The following NPSR1 variants were observed in gnomAD, a reference collection of about 807,000 sequenced individuals.
NPSR1 encodes the protein neuropeptide S receptor 1.
NPSR1 carries 48 observed loss-of-function variants against 46.9 expected under a neutral mutation model. The observed-to-expected ratio is 1.02, with a 90% confidence interval of 0.81 to 1.30. NPSR1 has a LOEUF of 1.30. NPSR1 is among the 50% of genes most tolerant of loss of function. The pLI is 0.00. For missense variants in NPSR1, 450 were observed against 449.5 expected, an observed-to-expected ratio of 1.00 and a Z score of -0.01; for synonymous variants, 176 against 168.1, an observed-to-expected ratio of 1.05 and a Z score of -0.36.
At chr7:34,821,153 T>TTA (rs747960051) in intron 4 of NPSR1, among the ~76,000 whole-genome samples, 4,161 of 135,946 alleles carry the variant, frequency 0.031, 142 homozygotes, top group Non-Finnish European at 0.045. Context: ...TTTTTTTTTT[T>TTA]AGACAGAGTC....
At chr7:34,848,764 A>T in intron 8 of NPSR1, 101 bp downstream of exon 8, 1 of 1,034,198 alleles carries the variant, frequency 9.7e-7, no homozygotes. Context: ...AGCAGGTTAC[A>T]GGATCCCCCT....
intron 2 of NPSR1, among the ~76,000 whole-genome samples, chr7:34,757,022 C>T (rs916666118): frequency 1.3e-5 from 2 of 152,138 alleles, no homozygotes; most frequent in African/African-American, 4.8e-5. Context: ...CTGAGCTGGC[C>T]TCCATAGTTC....
At chr7:34,744,444 G>C (rs1168835437) in intron 2 of NPSR1, among the ~76,000 whole-genome samples, 1 of 152,150 alleles carries the variant, frequency 6.6e-6, no homozygotes, top group East Asian at 1.9e-4. Flanking sequence ...GATAAAAGGG[G>C]CAGGAAGAGC....
At position 34,702,146 on chromosome 7, in the gene NPSR1, C is replaced by T. The variant is rs72552332; in HGVS notation, c.280+17462C>T. On this transcript the variant is annotated intron_variant, in intron 2 of 8. Transcript: ENST00000360581. The stretch of plus-strand genomic sequence containing the variant: ...CAAGTTCAGCTCATGGTACAGATGG[C>T]GGTTGGTTCAAGATGACTGCTAGAA... Among the ~76,000 whole-genome samples, 325 of 152,256 alleles carry T rather than the reference C, an allele frequency of 2.1e-3. 4 individuals are homozygous for T. The East Asian group carries it at 0.025, about 12-fold the overall frequency.
intron 6 of NPSR1, among the ~76,000 whole-genome samples, chr7:34,840,238 A>G (rs1650057081): frequency 6.6e-6 from 1 of 152,182 alleles, no homozygotes; most frequent in South Asian, 2.1e-4. Flanking sequence ...AGATGACAAG[A>G]AAGGGACAAT....
At chr7:34,795,542 TAATAGGC>T (rs1788135126) in intron 3 of NPSR1, among the ~76,000 whole-genome samples, 1 of 152,136 alleles carries the variant, frequency 6.6e-6, no homozygotes, top group African/African-American at 2.4e-5. Context: ...CTCCCAGAAC[TAATAGGC>T]AATTAAAGCA....
intron 1 of NPSR1, among the ~76,000 whole-genome samples, chr7:34,669,572 A>C (rs957830297): frequency 4.6e-5 from 7 of 151,968 alleles, no homozygotes; most frequent in Admixed American, 3.3e-4. Context: ...CTGTTTCAAA[A>C]AAAAAAAAAG....
chr7:34,872,092 C>G (rs1158518549), intron 8 of NPSR1, among the ~76,000 whole-genome samples: 1 of 151,984 alleles, frequency 6.6e-6, no homozygotes, highest in Non-Finnish European at 1.5e-5. Flanking sequence ...GCACCAAGCT[C>G]TTCCATAATC....
chr7:34,733,026 A>C (rs1302043153), intron 2 of NPSR1, among the ~76,000 whole-genome samples: 1 of 152,232 alleles, frequency 6.6e-6, no homozygotes, highest in Non-Finnish European at 1.5e-5. Context: ...TGTTTTAATA[A>C]TTTCTTGAAC....
chr7:34,737,389 T>C (rs1490908442), intron 2 of NPSR1, among the ~76,000 whole-genome samples: 1 of 152,194 alleles, frequency 6.6e-6, no homozygotes, highest in Non-Finnish European at 1.5e-5. Flanking sequence ...TCATCCCACT[T>C]TTCCCTCCAT....
At chr7:34,784,811 C>T (rs1787387012) in intron 3 of NPSR1, among the ~76,000 whole-genome samples, 1 of 152,040 alleles carries the variant, frequency 6.6e-6, no homozygotes, top group African/African-American at 2.4e-5. Flanking sequence ...CAGAGAAATG[C>T]AAATCAAAAC....
At chr7:34,797,701 A>G (rs34164557) in intron 3 of NPSR1, among the ~76,000 whole-genome samples, 1,673 of 152,294 alleles carry the variant, frequency 0.011, 32 homozygotes, top group African/African-American at 0.035. Context: ...AGCAAAATAA[A>G]TGTCAGAAAA....
chr7:34,756,391 C>T (rs924686923), intron 2 of NPSR1, among the ~76,000 whole-genome samples: 2 of 152,154 alleles, frequency 1.3e-5, no homozygotes, highest in Admixed American at 6.5e-5. Context: ...ATGTCACAAC[C>T]GATCTGGATC....
intron 3 of NPSR1, among the ~76,000 whole-genome samples, chr7:34,789,740 C>CAAAAAAAAAAAAAAAAAA (rs751424409): frequency 2.2e-5 from 1 of 45,348 alleles, no homozygotes; most frequent in Non-Finnish European, 4.0e-5. Context: ...TTGCAGTGCG[C>CAAAAAAAAAAAAAAAAAA]AAAAAAAAAA....
intron 4 of NPSR1, among the ~76,000 whole-genome samples, chr7:34,826,154 C>G (rs1428948756): frequency 6.6e-6 from 1 of 152,122 alleles, no homozygotes; most frequent in Non-Finnish European, 1.5e-5. Flanking sequence ...CAGTGGATTA[C>G]CGGTTGCATG....
chr7:34,791,153 A>ATATAT (rs529969890), intron 3 of NPSR1, among the ~76,000 whole-genome samples: 2,659 of 112,600 alleles, frequency 0.024, 110 homozygotes, highest in Non-Finnish European at 0.034. Context: ...ATAATATGTT[A>ATATAT]TATATTATAT....
At chr7:34,827,638 T>TGGGGGGGGGGGGG in intron 5 of NPSR1, 36 bp downstream of exon 5, 1 of 179,976 alleles carries the variant, frequency 5.6e-6, no homozygotes, top group Non-Finnish European at 1.1e-5. Flanking sequence ...CACGGGGGGG[T>TGGGGGGGGGGGGG]GGGGCGGGGG....
intron 8 of NPSR1, among the ~76,000 whole-genome samples, chr7:34,848,997 A>G (rs1281186452): frequency 6.6e-6 from 1 of 152,258 alleles, no homozygotes; most frequent in Non-Finnish European, 1.5e-5. Flanking sequence ...GAGCCTTATT[A>G]CCATTTTACA....
intron 2 of NPSR1, among the ~76,000 whole-genome samples, chr7:34,759,517 G>A (rs1786050044): frequency 6.6e-6 from 1 of 152,090 alleles, no homozygotes; most frequent in South Asian, 2.1e-4. Context: ...CAGCATTTTT[G>A]GGCATGTCCT....
Sources: gnomAD v4.1 joint callset for allele counts (sites outside exome capture counted in the v4.1 genomes callset) on GRCh38, gnomAD v4.1.1 for gene constraint, MANE v1.5 for transcripts, NCBI Gene and HGNC (gene_info 2026-07-23, HGNC 2026-07-21) for gene names.